DLG1: variants seen among roughly 807,000 people sequenced by gnomAD.
DLG1 encodes discs large MAGUK scaffold protein 1.
Under a neutral mutation model 123.4 loss-of-function variants are expected in DLG1, and 42 were observed. The ratio of observed to expected loss-of-function variants is 0.34; its 90% CI spans 0.27 to 0.44. The LOEUF (loss-of-function observed/expected upper bound fraction) is 0.44, where lower values mean the gene tolerates loss of function less well. Among genes scored for constraint, DLG1 ranks in the 20% least tolerant of loss-of-function variants. The pLI is 1.00. For synonymous variants in DLG1, 317 were observed against 356.2 expected (o/e 0.89, Z 1.24); for missense variants, 942 against 1,082.6 (o/e 0.87, Z 1.82).
intron 19 of DLG1, 88 bp downstream of exon 19, chr3:197,069,131 T>C: frequency 2.4e-6 from 2 of 843,024 alleles, no homozygotes; most frequent in Non-Finnish European, 3.5e-6. Flanking sequence ...ACTTCAGGTT[T>C]TTATAACATA....
At chr3:197,081,139 T>A (rs1279405872) in intron 16 of DLG1, 22 bp from the exon 17 acceptor site, 1 of 1,602,486 alleles carries the variant, frequency 6.2e-7, no homozygotes, top group Admixed American at 1.7e-5. Context: ...TAGAATGTTA[T>A]TTTTTAAGTA....
chr3:197,219,777 G>GT (rs1735997965), intron 4 of DLG1, among the ~76,000 whole-genome samples: 2 of 152,150 alleles, frequency 1.3e-5, no homozygotes, highest in African/African-American at 4.8e-5. Context: ...TGAAGAGGCA[G>GT]TAAGAAGGTG....
At chr3:197,075,203 T>C (rs1560488370) in intron 18 of DLG1, among the ~76,000 whole-genome samples, 2 of 149,732 alleles carry the variant, frequency 1.3e-5, no homozygotes. Flanking sequence ...ATTAAGTAAC[T>C]AGCTAGAAAA....
intron 8 of DLG1, among the ~76,000 whole-genome samples, chr3:197,138,962 A>C (rs1786508727): frequency 6.6e-6 from 1 of 152,230 alleles, no homozygotes; most frequent in African/African-American, 2.4e-5. Context: ...GAAAACTGAG[A>C]TAAAGTAAAA....
Position 197,268,774 on chromosome 3 carries a change from T to C in DLG1, c.318+13905A>G, listed in dbSNP as rs61183670. 2.1e-3 allele frequency among the ~76,000 whole-genome samples: 325 copies of C among 152,186 alleles called. 2 individuals are homozygous for C. Among genetic ancestry groups the C allele is most frequent in the African/African-American group, 7.5e-3 (312 of 41,566 alleles). ...CTTAACATTTAGCTTAAAACACAAA[T>C]ACACTGTATAGAGGTACAAAATTTT... On this transcript the variant is annotated intron_variant, in intron 4 of 24. Transcript: ENST00000667157.
intron 5 of DLG1, among the ~76,000 whole-genome samples, chr3:197,151,933 C>T (rs958792711): frequency 1.3e-5 from 2 of 152,134 alleles, no homozygotes; most frequent in Admixed American, 6.5e-5. Context: ...CTTTTTAGTT[C>T]CTCCTTCTGG....
chr3:197,066,690 T>C lies in DLG1; in HGVS notation c.2098+14A>G, dbSNP rs371932810. On this transcript the variant is annotated intron_variant, in intron 20 of 24. Transcript: ENST00000667157. The stretch of plus-strand genomic sequence containing the variant: ...CTTCTAGAAGGTTATAAAACATCAA[T>C]AGGCTTCACAAACCTTCTTGTTGAT... 41 of 1,581,908 alleles carry C rather than the reference T, an allele frequency of 2.6e-5. No homozygotes were observed. Among genetic ancestry groups the C allele is most frequent in the African/African-American group, 4.0e-5 (3 of 74,120 alleles).
intron 16 of DLG1, among the ~76,000 whole-genome samples, chr3:197,084,580 G>C (rs1480825382): frequency 6.6e-6 from 1 of 151,758 alleles, no homozygotes; most frequent in African/African-American, 2.4e-5. Flanking sequence ...AAAGTGCTGG[G>C]ATTACAGGTG....
At chr3:197,227,380 CAGG>C (rs893195723) in intron 4 of DLG1, among the ~76,000 whole-genome samples, 1 of 151,686 alleles carries the variant, frequency 6.6e-6, no homozygotes, top group African/African-American at 2.4e-5. Context: ...GGGACTGGGG[CAGG>C]AGAATAGCTT....
intron 4 of DLG1, among the ~76,000 whole-genome samples, chr3:197,244,093 G>A (rs773703298): frequency 7.2e-5 from 11 of 152,144 alleles, no homozygotes; most frequent in Non-Finnish European, 1.0e-4. Flanking sequence ...CTCCTGGAAG[G>A]GCTTAAGCTC....
chr3:197,116,383 C>T (rs1773318938), intron 12 of DLG1, among the ~76,000 whole-genome samples: 1 of 152,110 alleles, frequency 6.6e-6, no homozygotes, highest in African/African-American at 2.4e-5. Context: ...AATACACATA[C>T]TCATGAAAAG....
chr3:197,267,976 G>A (rs944849752), intron 4 of DLG1, among the ~76,000 whole-genome samples: 5 of 152,044 alleles, frequency 3.3e-5, no homozygotes, highest in South Asian at 2.1e-4. Context: ...GATTCTAAAA[G>A]AAAAAAGGAT....
chr3:197,193,682 A>G lies in DLG1; in HGVS notation c.483+743T>C, dbSNP rs114413037. 5.2e-3 allele frequency among the ~76,000 whole-genome samples: 796 copies of G among 152,338 alleles called. 6 individuals are homozygous for G. Among genetic ancestry groups the G allele is most frequent in the African/African-American group, 0.017 (707 of 41,558 alleles). ...TTATATAAAGTCCAAAATATGCAAA[A>G]CAATTGATTAGCAATCGAAATATAT... On this transcript the variant is annotated intron_variant, in intron 5 of 24. Transcript: ENST00000667157.
intron 13 of DLG1, among the ~76,000 whole-genome samples, chr3:197,108,579 C>A (rs1222379616): frequency 9.3e-6 from 1 of 106,982 alleles, no homozygotes; most frequent in Non-Finnish European, 2.0e-5. Context: ...AAAATATATA[C>A]CATCTATGAC....
At position 197,206,341 on chromosome 3, in the gene DLG1, C is replaced by G. The variant is rs570492259; in HGVS notation, c.319-11752G>C. Reference sequence around the variant, plus strand: ...TTGAGACAGGATCTCACTCTGTTACCAAGGCTGGAGTGCAGTGGCGTGATC... The same window carrying G: ...TTGAGACAGGATCTCACTCTGTTACGAAGGCTGGAGTGCAGTGGCGTGATC... On this transcript the variant is annotated intron_variant, in intron 4 of 24. Transcript: ENST00000667157. Among the ~76,000 whole-genome samples the G allele has an allele frequency of 3.0e-4, 46 of 152,212 alleles. No homozygotes were observed. The East Asian group carries it at 7.7e-3, about 26-fold the overall frequency.
chr3:197,294,374 C>T (rs950261792), intron 3 of DLG1, among the ~76,000 whole-genome samples: 6 of 141,082 alleles, frequency 4.3e-5, no homozygotes, highest in African/African-American at 1.0e-4. Flanking sequence ...AGGCCAGACG[C>T]GGTGGCTCAC....
chr3:197,150,005 A>C (rs1373725078), intron 5 of DLG1, among the ~76,000 whole-genome samples: 1 of 152,200 alleles, frequency 6.6e-6, no homozygotes, highest in Non-Finnish European at 1.5e-5. Context: ...TTAAGAAATA[A>C]ATTGCTATTT....
chr3:197,071,079 T>TA (rs1743610709), intron 18 of DLG1: 2 of 152,316 alleles, frequency 1.3e-5, no homozygotes, highest in Admixed American at 1.3e-4. Flanking sequence ...ATATACCTTT[T>TA]AACTTTCTGT....
chr3:197,238,089 G>A, intron 4 of DLG1, among the ~76,000 whole-genome samples: 1 of 152,148 alleles, frequency 6.6e-6, no homozygotes, highest in Non-Finnish European at 1.5e-5. Flanking sequence ...GGTGTGGAAG[G>A]AAGCAGTGTG....
Sources: allele counts gnomAD v4.1 joint callset (sites outside exome capture counted in the v4.1 genomes callset), GRCh38; gene constraint gnomAD v4.1.1; transcripts MANE v1.5; gene names NCBI Gene and HGNC (gene_info 2026-07-23, HGNC 2026-07-21).